The following COL22A1 variants were observed in gnomAD, a reference collection of about 807,000 sequenced individuals.
COL22A1 encodes collagen alpha-1(XXII) chain.
In COL22A1, 221 loss-of-function variants were observed where a neutral mutation model predicts 248.9. The ratio of observed to expected loss-of-function variants is 0.89; its 90% CI spans 0.80 to 0.99. The LOEUF is 0.99. Ranked by LOEUF, COL22A1 falls within the 50% of genes least tolerant of loss-of-function variation. The probability of loss-of-function intolerance (pLI) is 0.00; values close to 1 mark genes in which losing one functional copy is unlikely to be tolerated. For synonymous variants in COL22A1, 891 were observed against 793.4 expected, an observed-to-expected ratio of 1.12 and a Z score of -2.07; for missense variants, 2,240 against 2,179.0, an observed-to-expected ratio of 1.03 and a Z score of -0.56.
intron 26 of COL22A1, among the ~76,000 whole-genome samples, chr8:138,721,796 G>A (rs1358978772): frequency 6.6e-6 from 1 of 152,220 alleles, no homozygotes; most frequent in African/African-American, 2.4e-5. Context: ...TGGGATTACA[G>A]CTGTGAGCCA....
At chr8:138,597,372 G>C (rs1188547517) in intron 61 of COL22A1, among the ~76,000 whole-genome samples, 4 of 152,118 alleles carry the variant, frequency 2.6e-5, no homozygotes, top group Admixed American at 1.3e-4. Context: ...TAGCCTACAG[G>C]CTGCCTTCTA....
At chr8:138,907,738 G>A (rs138225335) in intron 1 of COL22A1, among the ~76,000 whole-genome samples, 1 of 152,312 alleles carries the variant, frequency 6.6e-6, no homozygotes, top group African/African-American at 2.4e-5. Context: ...CATGGCACAG[G>A]CATCCAGCGA....
intron 4 of COL22A1, among the ~76,000 whole-genome samples, chr8:138,833,931 G>T (rs1229991538): frequency 6.6e-6 from 1 of 152,116 alleles, no homozygotes; most frequent in Non-Finnish European, 1.5e-5. Context: ...ACTGGGTAGA[G>T]CTCTGTGATA....
At chr8:138,795,528 GACACACACAC>G (rs6150850) in intron 12 of COL22A1, among the ~76,000 whole-genome samples, 7 of 144,874 alleles carry the variant, frequency 4.8e-5, no homozygotes, top group African/African-American at 1.5e-4. Context: ...CTCTCTTTCA[GACACACACAC>G]ACACACACAC....
intron 22 of COL22A1, among the ~76,000 whole-genome samples, chr8:138,740,989 T>C (rs1230501292): frequency 6.6e-6 from 1 of 152,230 alleles, no homozygotes; most frequent in Admixed American, 6.5e-5. Context: ...TGCAGGCATC[T>C]GAGCTGTTTG....
chr8:138,654,470 T>C (rs2130605155), intron 45 of COL22A1, among the ~76,000 whole-genome samples: 1 of 152,292 alleles, frequency 6.6e-6, no homozygotes, highest in East Asian at 1.9e-4. Flanking sequence ...TTCTTTTTCT[T>C]TTGTTTTCCT....
At chr8:138,638,761 G>C (rs1220486065) in intron 47 of COL22A1, among the ~76,000 whole-genome samples, 2 of 152,242 alleles carry the variant, frequency 1.3e-5, no homozygotes, top group African/African-American at 4.8e-5. Context: ...ATGAAAAGAA[G>C]TGACACAGAT....
intron 25 of COL22A1, among the ~76,000 whole-genome samples, chr8:138,723,768 C>T (rs1282845568): frequency 6.6e-6 from 1 of 152,222 alleles, no homozygotes; most frequent in Non-Finnish European, 1.5e-5. Flanking sequence ...TACCCTTTGG[C>T]ATGCTGCACT....
Position 138,754,068 on chromosome 8 carries a change from A to T in COL22A1, c.2031+1089T>A, listed in dbSNP as rs140543178. 3.9e-5 allele frequency among the ~76,000 whole-genome samples: 6 copies of T among 152,364 alleles called. No homozygotes were observed. In the East Asian group the frequency reaches 9.6e-4, roughly 24 times the overall value. On this transcript the variant is annotated intron_variant, in intron 21 of 64. Coordinates refer to ENST00000303045, the MANE Select transcript of COL22A1 (RefSeq NM_152888.3). ...TCAATGTCTCTGCACTAATGTTTTC[A>T]TTGGTAAAAGATGAAAAATAACATC...
At chr8:138,753,302 C>T (rs12549373) in intron 21 of COL22A1, among the ~76,000 whole-genome samples, 4,152 of 152,242 alleles carry the variant, frequency 0.027, 212 homozygotes, top group East Asian at 0.22. Flanking sequence ...TGTTGGTCCT[C>T]GACTAAAGAA....
rs375096581 is a variant in COL22A1, at chr8:138,616,903, C to A, written c.3870+11G>T. On this transcript the variant is annotated intron_variant, in intron 54 of 64. Transcript: ENST00000303045. The stretch of plus-strand genomic sequence containing the variant: ...ACCTGGGGGGACCTCCAAAGTGAGG[C>A]GCCCACTTACCCGGGGACCGGGTGC... 8 of 1,613,986 alleles carry A rather than the reference C, an allele frequency of 5.0e-6. No individual in the cohort carries two copies. The South Asian group carries it at 5.5e-5, about 11-fold the overall frequency.
intron 40 of COL22A1, among the ~76,000 whole-genome samples, chr8:138,678,506 G>A (rs1277706138): frequency 6.6e-6 from 1 of 152,072 alleles, no homozygotes; most frequent in Admixed American, 6.6e-5. Flanking sequence ...ATGGTTCTTG[G>A]AAGTTCAAGA....
chr8:138,632,745 T>C (rs1332309381), intron 49 of COL22A1, among the ~76,000 whole-genome samples: 1 of 152,222 alleles, frequency 6.6e-6, no homozygotes, highest in Non-Finnish European at 1.5e-5. Flanking sequence ...CTATCACTTC[T>C]ACTAGGTAGG....
rs1052305903 is a variant in COL22A1, at chr8:138,802,798, C to A, written c.1557+74G>T. ...TATTCAGCCCACACTTGCTGATTTG[C>A]ATGATCGGAGGGCCCTGGGTCCCCC... On this transcript the variant is annotated intron_variant, in intron 11 of 64. Transcript: ENST00000303045. 9.4e-6 allele frequency: 11 copies of A among 1,164,860 alleles called. No individual in the cohort carries two copies. The African/African-American group carries it at 1.5e-4, about 16-fold the overall frequency. The allele number at this position is 1,164,860 out of a possible 1,614,324, so 72.2% of individuals were successfully genotyped here.
chr8:138,738,054 AC>A (rs1334296417), intron 22 of COL22A1, among the ~76,000 whole-genome samples: 2 of 152,070 alleles, frequency 1.3e-5, no homozygotes, highest in African/African-American at 4.8e-5. Flanking sequence ...AACCTGTTAA[AC>A]TTTGCTTCTT....
At chr8:138,849,746 C>A (rs542243480) in intron 3 of COL22A1, among the ~76,000 whole-genome samples, 1 of 152,108 alleles carries the variant, frequency 6.6e-6, no homozygotes, top group African/African-American at 2.4e-5. Context: ...GCTTATGCAA[C>A]GGGAAGCCAA....
At chr8:138,835,350 G>C (rs1820349290) in intron 4 of COL22A1, among the ~76,000 whole-genome samples, 1 of 152,178 alleles carries the variant, frequency 6.6e-6, no homozygotes, top group African/African-American at 2.4e-5. Flanking sequence ...GATGGAAAAA[G>C]CACCCCTCCA....
At chr8:138,723,995 C>T (rs374148620) in intron 25 of COL22A1, among the ~76,000 whole-genome samples, 1 of 152,196 alleles carries the variant, frequency 6.6e-6, no homozygotes, top group East Asian at 1.9e-4. Flanking sequence ...TGAGGGAGAA[C>T]TAGCTGTAAG....
intron 1 of COL22A1, among the ~76,000 whole-genome samples, chr8:138,893,415 C>T (rs2132120351): frequency 6.6e-6 from 1 of 152,328 alleles, no homozygotes; most frequent in South Asian, 2.1e-4. Context: ...ACTTATCTCA[C>T]AGGGTTGTTG....
Sources: gnomAD v4.1 joint callset for allele counts (sites outside exome capture counted in the v4.1 genomes callset) on GRCh38, gnomAD v4.1.1 for gene constraint, MANE v1.5 for transcripts, NCBI Gene and HGNC (gene_info 2026-07-23, HGNC 2026-07-21) for gene names.